SOSTDC1: variants seen among roughly 807,000 people sequenced by gnomAD.
SOSTDC1 encodes sclerostin domain containing 1, also known as sclerostin domain-containing protein 1.
A neutral mutation model predicts 15.1 loss-of-function variants in SOSTDC1; 7 were observed. That is an observed-to-expected ratio of 0.46 (90% CI 0.26 to 0.87). The LOEUF (loss-of-function observed/expected upper bound fraction) is 0.87. Ranked by LOEUF, SOSTDC1 falls within the 40% of genes least tolerant of loss-of-function variation. The probability of loss-of-function intolerance (pLI) is 0.15; values close to 1 mark genes in which losing one functional copy is unlikely to be tolerated. For missense variants in SOSTDC1, 242 were observed against 259.2 expected (o/e 0.93, Z 0.46); for synonymous variants, 94 against 93.2 (o/e 1.01, Z -0.05).
rs1351237526 is a variant in SOSTDC1, at chr7:16,462,316, G to A, written c.*232C>T. On this transcript the variant is annotated 3_prime_UTR_variant, in exon 2 of 2. Transcript: ENST00000307068. ...GAGGAATTAAAACTACAGGATACGT[G>A]GAATTTAAATGCAAATTGCATTCAT... 2.0e-6 allele frequency: 1 copy of A among 508,080 alleles called. No homozygotes were observed. The highest frequency in any genetic ancestry group is 3.5e-6 in the Non-Finnish European group (1 of 284,632). The allele number at this position is 508,080 out of a possible 1,614,324, so 31.5% of individuals were successfully genotyped here. A position where few individuals can be genotyped will look rare whatever the true frequency, so the allele number is the denominator to read the frequency against.
intron 1 of SOSTDC1, chr7:16,464,187 T>G (rs763541790): frequency 1.4e-5 from 10 of 703,056 alleles, no homozygotes; most frequent in Non-Finnish European, 2.6e-5. Flanking sequence ...GGGAACGTGA[T>G]AGTTGTGGAA....
Position 16,461,970 on chromosome 7 carries a change from G to A in SOSTDC1, c.*578C>T, listed in dbSNP as rs1418943885. On this transcript the variant is annotated 3_prime_UTR_variant, in exon 2 of 2. Transcript: ENST00000307068. Reference sequence around the variant, plus strand: ...CATTCCAAGCGAGGGTCAGCATGCAGGGTATAATTTCATACTATGCGACCG... The same window carrying A: ...CATTCCAAGCGAGGGTCAGCATGCAAGGTATAATTTCATACTATGCGACCG... 3 of 152,640 alleles carry A rather than the reference G, an allele frequency of 2.0e-5. No individual in the cohort carries two copies. The highest frequency in any genetic ancestry group is 4.4e-5 in the Non-Finnish European group (3 of 68,072). 9.5% of individuals were successfully genotyped at this position (152,640 alleles called of 1,614,324 possible).
chr7:16,462,719 G>A lies in SOSTDC1; in HGVS notation c.450C>T (p.Gly150=), dbSNP rs1254541771. ...CTGTGATTTTGTAGGTGCGTGTGCT[G>A]CCATCTTGGCACTGCAGCTGGATTC... ...TQRIQLQCQD[G]STRTYKITVV... is the part of the protein sequence containing the mutation. The change falls in exon 2 of 2, where the codon GGC becomes GGT. Residue 150 remains glycine (G), a synonymous_variant. Coordinates refer to ENST00000307068, the MANE Select transcript of SOSTDC1 (RefSeq NM_015464.3). The A allele has an allele frequency of 1.2e-6, 2 of 1,614,182 alleles. No individual in the cohort carries two copies. The highest frequency in any genetic ancestry group is 1.7e-6 in the Non-Finnish European group (2 of 1,180,040).
In SOSTDC1 at chr7:16,462,979, A is replaced by T. The variant is rs1261625110; in HGVS notation, c.206-16T>A. Reference sequence around the variant, plus strand: ...TGAACCCGAGCTGCAGGAAACAAAAAAGAATGTGCATCAGAGAAAAAATGC... The same window carrying T: ...TGAACCCGAGCTGCAGGAAACAAAATAGAATGTGCATCAGAGAAAAAATGC... On this transcript the variant is annotated splice_polypyrimidine_tract_variant and intron_variant, in intron 1 of 1. Coordinates refer to ENST00000307068, the MANE Select transcript of SOSTDC1 (RefSeq NM_015464.3). 1.3e-6 allele frequency: 2 copies of T among 1,522,648 alleles called. No homozygotes were observed. The highest frequency in any genetic ancestry group is 2.1e-5 in the Admixed American group (1 of 46,542). 94.3% of individuals were successfully genotyped at this position (1,522,648 alleles called of 1,614,324 possible).
rs1300963630 is a variant in SOSTDC1 at position 16,465,623 on chromosome 7, T to C, written c.46A>G (p.Ile16Val). The C allele has an allele frequency of 1.9e-6, 3 of 1,614,112 alleles. 1 individual carries two copies. The highest frequency in any genetic ancestry group is 1.7e-6 in the Non-Finnish European group (2 of 1,179,988). Residue 16 changes from isoleucine to valine, a missense_variant, in exon 1 of 2, where the codon ATC becomes GTC. Physicochemically the swap from Ile to Val is conservative, Grantham distance 29. Coordinates refer to ENST00000307068, the MANE Select transcript of SOSTDC1 (RefSeq NM_015464.3). ...AAAGCCAAACAGCTTTTCATTAGGA[T>C]GCATGCAAGGGGAAGGAGATAGAAA... is the stretch of plus-strand genomic sequence containing the variant. ...IHFYLLPLACILMKSCLAFKN... is the reference protein window; with the variant it reads ...IHFYLLPLACVLMKSCLAFKN...
At chr7:16,464,736 G>T (rs1461075290) in intron 1 of SOSTDC1, among the ~76,000 whole-genome samples, 3 of 151,748 alleles carry the variant, frequency 2.0e-5, no homozygotes, top group Non-Finnish European at 4.4e-5. Context: ...AAAAGTTAGG[G>T]GTAATTTGAA....
chr7:16,465,126 C>A (rs755138582), intron 1 of SOSTDC1, among the ~76,000 whole-genome samples: 8 of 152,082 alleles, frequency 5.3e-5, no homozygotes, highest in Non-Finnish European at 1.0e-4. Context: ...ATTGACAAAA[C>A]AACCGGAACT....
chr7:16,463,302 T>C (rs1046839869), intron 1 of SOSTDC1, among the ~76,000 whole-genome samples: 1 of 152,206 alleles, frequency 6.6e-6, no homozygotes, highest in Admixed American at 6.5e-5. Context: ...CTTCCATTTA[T>C]GTGTAAATAT....
At position 16,462,924 on chromosome 7, in the gene SOSTDC1, T is replaced by C; in HGVS notation, c.245A>G (p.Lys82Arg). 1 of 1,596,724 alleles carries C rather than the reference T, an allele frequency of 6.3e-7. No homozygotes were observed. Among genetic ancestry groups the C allele is most frequent in the Non-Finnish European group, 8.6e-7 (1 of 1,167,442 alleles). Residue 82 changes from lysine (K) to arginine (R), a missense_variant, in exon 2 of 2, where the codon AAA (lysine) becomes AGA (arginine). Lys to Arg is a conservative substitution (Grantham distance 26). Transcript: ENST00000307068. ...QVGCRELRSTKYISDGQCTSI... is the reference protein window; with the variant it reads ...QVGCRELRSTRYISDGQCTSI... ...GGTGCACTGGCCATCAGAGATGTAT[T>C]TGGTGGAACGCAGTTCCCGGCAACC...
intron 1 of SOSTDC1, 43 bp downstream of exon 1, chr7:16,465,421 C>A (rs1478101974): frequency 1.3e-6 from 2 of 1,501,392 alleles, no homozygotes; most frequent in South Asian, 2.3e-5. Context: ...GCTAATGCTA[C>A]CAGAAAAGAA....
rs1781293359 is a variant in SOSTDC1 at position 16,465,693 on chromosome 7, G to A, written c.-25C>T. On this transcript the variant is annotated 5_prime_UTR_variant, in exon 1 of 2. Coordinates refer to ENST00000307068, the MANE Select transcript of SOSTDC1 (RefSeq NM_015464.3). ...TGGTGAGTAGAGGATTTGCTTGACT[G>A]AAGAGCTGGTTAATTCTTTTGCTTC... The A allele has an allele frequency of 6.2e-7, 1 of 1,601,418 alleles. No homozygotes were observed. Among genetic ancestry groups the A allele is most frequent in the African/African-American group, 1.3e-5 (1 of 74,640 alleles).
In SOSTDC1 at chr7:16,465,479, C is replaced by T; in HGVS notation, c.190G>A (p.Gly64Arg). ...ACACACTTACTGTTCCGATCCAGTC[C>T]AGTGTTACTGAAATGCCTGCCTCCA... The part of the protein sequence containing the change: ...RNGGRHFSNT[G>R]LDRNTRVQVG... Residue 64 changes from glycine (G) to arginine (R), a missense_variant, in exon 1 of 2, where the codon GGA becomes AGA. Physicochemically the swap from Gly to Arg is moderately radical, Grantham distance 125. Transcript: ENST00000307068. 3 of 1,613,822 alleles carry T rather than the reference C, an allele frequency of 1.9e-6. No individual in the cohort carries two copies. Among genetic ancestry groups the T allele is most frequent in the Non-Finnish European group, 2.5e-6 (3 of 1,179,846 alleles).
chr7:16,465,634 G>A lies in SOSTDC1; in HGVS notation c.35C>T (p.Pro12Leu), dbSNP rs1233884366. 2 of 1,614,100 alleles carry A rather than the reference G, an allele frequency of 1.2e-6. No homozygotes were observed. The highest frequency in any genetic ancestry group is 1.7e-6 in the Non-Finnish European group (2 of 1,179,974). ...LPPAIHFYLLPLACILMKSCL... is the reference protein window; with the variant it reads ...LPPAIHFYLLLLACILMKSCL... Reference sequence around the variant, plus strand: ...GCTTTTCATTAGGATGCATGCAAGGGGAAGGAGATAGAAATGAATGGCAGG... The same window carrying A: ...GCTTTTCATTAGGATGCATGCAAGGAGAAGGAGATAGAAATGAATGGCAGG... The change falls in exon 1 of 2, where the codon CCC (proline) becomes CTC (leucine). Residue 12 changes from proline to leucine, a missense_variant. By Grantham distance (98) the Pro-to-Leu change is moderately conservative. Transcript: ENST00000307068.
chr7:16,461,859 TG>T lies in SOSTDC1; in HGVS notation c.*688del, dbSNP rs1408568642. ...AATTAAAGTTTTGAAACAAATCACATGTGAAAGCTCATTAAATAATAACATT... is the reference window on the plus strand; with the variant it reads ...AATTAAAGTTTTGAAACAAATCACATTGAAAGCTCATTAAATAATAACATT... On this transcript the variant is annotated 3_prime_UTR_variant, in exon 2 of 2. Coordinates refer to ENST00000307068, the MANE Select transcript of SOSTDC1 (RefSeq NM_015464.3). The T allele has an allele frequency of 6.6e-6, 1 of 152,620 alleles. No homozygotes were observed. Among genetic ancestry groups the T allele is most frequent in the Non-Finnish European group, 1.5e-5 (1 of 68,024 alleles). 9.5% of individuals were successfully genotyped at this position (152,620 alleles called of 1,614,324 possible).
chr7:16,464,210 A>G (rs1054290027), intron 1 of SOSTDC1: 2 of 819,088 alleles, frequency 2.4e-6, no homozygotes, highest in Non-Finnish European at 4.1e-6. Context: ...ACTTATGTAT[A>G]TAGACATGCA....
At position 16,462,507 on chromosome 7, in the gene SOSTDC1, G is replaced by C. The variant is rs1030415061; in HGVS notation, c.*41C>G. On this transcript the variant is annotated 3_prime_UTR_variant, in exon 2 of 2. Transcript: ENST00000307068. Reference sequence around the variant, plus strand: ...TCTTCCAAGCAATCAAATCTGTAAAGCAGATGGTTACTAGTAAGTCTAGTT... The same window carrying C: ...TCTTCCAAGCAATCAAATCTGTAAACCAGATGGTTACTAGTAAGTCTAGTT... 2.5e-6 allele frequency: 4 copies of C among 1,586,912 alleles called. No individual in the cohort carries two copies. The highest frequency in any genetic ancestry group is 3.5e-6 in the Non-Finnish European group (4 of 1,159,188).
In SOSTDC1 at chr7:16,462,930, G is replaced by A; in HGVS notation, c.239C>T (p.Ser80Phe). Residue 80 changes from serine to phenylalanine, a missense_variant, in exon 2 of 2, where the codon TCC becomes TTC. Ser to Phe is a radical substitution (Grantham distance 155). Coordinates refer to ENST00000307068, the MANE Select transcript of SOSTDC1 (RefSeq NM_015464.3). ...CTGGCCATCAGAGATGTATTTGGTG[G>A]AACGCAGTTCCCGGCAACCCACTTG... ...RVQVGCRELRSTKYISDGQCT... is the reference protein window; with the variant it reads ...RVQVGCRELRFTKYISDGQCT... 1 of 1,589,466 alleles carries A rather than the reference G, an allele frequency of 6.3e-7. No individual in the cohort carries two copies. Among genetic ancestry groups the A allele is most frequent in the East Asian group, 2.3e-5 (1 of 44,274 alleles).
intron 1 of SOSTDC1, among the ~76,000 whole-genome samples, chr7:16,463,359 A>G (rs1263694546): frequency 3.3e-5 from 5 of 152,312 alleles, no homozygotes; most frequent in Non-Finnish European, 7.3e-5. Context: ...CTCTTTCTCA[A>G]GGGTCATATT....
In SOSTDC1 at chr7:16,465,327, A is replaced by G. The variant is rs531503314; in HGVS notation, c.205+137T>C. On this transcript the variant is annotated intron_variant, in intron 1 of 1. Transcript: ENST00000307068. ...CCTAGGGAAGAATGCCAACCTGCAC[A>G]TGCAGCAGATTACTCCCAAATTGTT... 5 of 721,002 alleles carry G rather than the reference A, an allele frequency of 6.9e-6. No individual in the cohort carries two copies. In the South Asian group the frequency reaches 7.4e-5, roughly 11 times the overall value. The allele number at this position is 721,002 out of a possible 1,614,324, so 44.7% of individuals were successfully genotyped here.
Sources: gnomAD v4.1 joint callset for allele counts (sites outside exome capture counted in the v4.1 genomes callset) on GRCh38, gnomAD v4.1.1 for gene constraint, MANE v1.5 for transcripts, NCBI Gene and HGNC (gene_info 2026-07-23, HGNC 2026-07-21) for gene names.